The following APMAP variants were observed in gnomAD, a reference collection of about 807,000 sequenced individuals.
The protein encoded by APMAP is adipocyte plasma membrane associated protein, also known as adipocyte plasma membrane-associated protein.
Under a neutral mutation model 43.6 loss-of-function variants are expected in APMAP, and 33 were observed. That is an observed-to-expected ratio of 0.76 (90% CI 0.57 to 1.01). APMAP has a LOEUF of 1.01. Ranked by LOEUF, APMAP falls within the 50% of genes least tolerant of loss-of-function variation. APMAP has a pLI of 0.00. For missense variants in APMAP, 498 were observed against 540.7 expected, an observed-to-expected ratio of 0.92 and a Z score of 0.78; for synonymous variants, 224 against 216.7, an observed-to-expected ratio of 1.03 and a Z score of -0.30.
chr20:24,989,187 G>A (rs2088171946), intron 1 of APMAP, among the ~76,000 whole-genome samples: 1 of 152,058 alleles, frequency 6.6e-6, no homozygotes, highest in African/African-American at 2.4e-5. Context: ...TTCCCAACCT[G>A]TGCTGACACA....
At position 24,972,743 on chromosome 20, in the gene APMAP, G is replaced by T. The variant is rs753029812; in HGVS notation, c.421+902C>A. On this transcript the variant is annotated intron_variant, in intron 4 of 8. Coordinates refer to ENST00000217456, the MANE Select transcript of APMAP (RefSeq NM_020531.3). The stretch of plus-strand genomic sequence containing the variant: ...GCTCACTGTAGGTGCTTACTGCAGG[G>T]TGTTCACTGTGGGGTGCTCACTGCA... Among the ~76,000 whole-genome samples the T allele has an allele frequency of 6.8e-4, 103 of 151,614 alleles. 1 individual carries two copies. The highest frequency in any genetic ancestry group is 1.2e-3 in the Non-Finnish European group (81 of 67,836).
At chr20:24,973,020 A>T (rs1473166008) in intron 4 of APMAP, among the ~76,000 whole-genome samples, 1 of 152,258 alleles carries the variant, frequency 6.6e-6, no homozygotes, top group Non-Finnish European at 1.5e-5. Context: ...TAAAATGTTC[A>T]TAACAATTAC....
intron 8 of APMAP, among the ~76,000 whole-genome samples, chr20:24,966,666 G>T (rs2087946335): frequency 6.6e-6 from 1 of 152,202 alleles, no homozygotes; most frequent in South Asian, 2.1e-4. Flanking sequence ...AAAAAAGACA[G>T]GAGCTGAATA....
At chr20:24,965,058 A>C (rs2087931465) in intron 8 of APMAP, among the ~76,000 whole-genome samples, 2 of 152,156 alleles carry the variant, frequency 1.3e-5, no homozygotes, top group Admixed American at 6.5e-5. Flanking sequence ...CTTTCCCAGA[A>C]AGCTCTCAAA....
Position 24,971,624 on chromosome 20 carries a change from A to G in APMAP, c.422-48T>C, listed in dbSNP as rs111574954. The G allele has an allele frequency of 1.1e-3, 1,657 of 1,462,970 alleles. 21 individuals carry two copies. In the African/African-American group the frequency reaches 0.021, roughly 19 times the overall value. The allele number at this position is 1,462,970 out of a possible 1,614,324, so 90.6% of individuals were successfully genotyped here. ...ATTGGTAGCTGGTCCCGGATTCTAC[A>G]TGTGCTGTTCTCAGTATCCAAGCAT... On this transcript the variant is annotated intron_variant, in intron 4 of 8. Transcript: ENST00000217456.
intron 1 of APMAP, among the ~76,000 whole-genome samples, chr20:24,984,561 C>T (rs1278630880): frequency 6.6e-6 from 1 of 152,212 alleles, no homozygotes; most frequent in Non-Finnish European, 1.5e-5. Context: ...TTTTCCCAAC[C>T]TACTTCTAAG....
intron 4 of APMAP, among the ~76,000 whole-genome samples, chr20:24,972,966 G>A (rs1423004162): frequency 6.6e-6 from 1 of 152,188 alleles, no homozygotes; most frequent in Non-Finnish European, 1.5e-5. Context: ...ATACGTGTGG[G>A]TGTGCATGTC....
chr20:24,991,097 T>C (rs61273630), intron 1 of APMAP, among the ~76,000 whole-genome samples: 1 of 151,970 alleles, frequency 6.6e-6, no homozygotes, highest in Non-Finnish European at 1.5e-5. Flanking sequence ...GGGCCAGAAG[T>C]GTGAGCCAGC....
chr20:24,968,830 C>CA (rs1438573983), intron 8 of APMAP, 62 bp downstream of exon 8: 19 of 1,493,790 alleles, frequency 1.3e-5, no homozygotes, highest in Admixed American at 1.0e-4. Flanking sequence ...CTATAAGGGT[C>CA]AAAAAAATAT....
intron 2 of APMAP, among the ~76,000 whole-genome samples, chr20:24,981,831 C>T (rs968938792): frequency 6.6e-6 from 1 of 152,314 alleles, no homozygotes. Context: ...TCATATCCTT[C>T]TATGAAAAAT....
intron 4 of APMAP, 133 bp downstream of exon 4, chr20:24,973,512 A>G: frequency 2.5e-6 from 2 of 799,190 alleles, no homozygotes; most frequent in Non-Finnish European, 3.8e-6. Context: ...TAGTGACGTC[A>G]TGTTCCATCT....
chr20:24,972,925 T>C (rs550321752), intron 4 of APMAP, among the ~76,000 whole-genome samples: 4 of 152,276 alleles, frequency 2.6e-5, no homozygotes, highest in African/African-American at 7.2e-5. Flanking sequence ...AAAAGGCAGG[T>C]TAAAGAACTG....
intron 1 of APMAP, among the ~76,000 whole-genome samples, chr20:24,985,221 A>T (rs922846233): frequency 3.3e-5 from 5 of 152,216 alleles, no homozygotes; most frequent in South Asian, 2.1e-4. Flanking sequence ...CTTCCTGAAC[A>T]TGCATGATCC....
intron 3 of APMAP, among the ~76,000 whole-genome samples, chr20:24,977,184 T>C (rs1459596508): frequency 3.3e-5 from 5 of 152,266 alleles, no homozygotes; most frequent in Non-Finnish European, 7.3e-5. Context: ...CTCCGAGTAC[T>C]ATTGACGTAT....
chr20:24,982,836 C>CG (rs1555846037), intron 2 of APMAP, among the ~76,000 whole-genome samples: 1 of 152,106 alleles, frequency 6.6e-6, no homozygotes. Flanking sequence ...AGGGGACCCC[C>CG]CCCCGCCACC....
Position 24,970,292 on chromosome 20 carries a change from A to C in APMAP, c.618T>G (p.Thr206=), listed in dbSNP as rs775403462. Residue 206 remains threonine (T), a synonymous_variant, in exon 6 of 9, where the codon ACT becomes ACG. Transcript: ENST00000217456. ...NMSFVNDLTV[T]QDGRKIYFTD... is the part of the protein sequence containing the mutation. ...TGAAATAAATCTTCCTCCCATCCTG[A>C]GTGACTGTAAGATCATTCACAAAGG... The C allele has an allele frequency of 6.2e-7, 1 of 1,613,880 alleles. No individual in the cohort carries two copies. The highest frequency in any genetic ancestry group is 1.6e-4 in the Middle Eastern group (1 of 6,062).
At chr20:24,988,805 C>T (rs2088168563) in intron 1 of APMAP, among the ~76,000 whole-genome samples, 1 of 152,216 alleles carries the variant, frequency 6.6e-6, no homozygotes, top group Admixed American at 6.5e-5. Context: ...TCTGTGGTCA[C>T]GTATTAGAAA....
At chr20:24,966,755 G>A (rs2087947093) in intron 8 of APMAP, among the ~76,000 whole-genome samples, 1 of 152,160 alleles carries the variant, frequency 6.6e-6, no homozygotes, top group Admixed American at 6.5e-5. Context: ...TGTTATAAAG[G>A]ACAACACCGG....
chr20:24,965,455 A>G (rs999259583), intron 8 of APMAP, among the ~76,000 whole-genome samples: 3 of 152,354 alleles, frequency 2.0e-5, no homozygotes, highest in Non-Finnish European at 4.4e-5. Flanking sequence ...AGCAGGGTAC[A>G]TGTGTGCAGG....
Sources: gnomAD v4.1 joint callset for allele counts (sites outside exome capture counted in the v4.1 genomes callset) on GRCh38, gnomAD v4.1.1 for gene constraint, MANE v1.5 for transcripts, NCBI Gene and HGNC (gene_info 2026-07-23, HGNC 2026-07-21) for gene names.